The following ME3 variants were observed in gnomAD, a reference collection of about 807,000 sequenced individuals.
ME3 encodes the protein NADP-dependent malic enzyme, mitochondrial.
A neutral mutation model predicts 68.9 loss-of-function variants in ME3; 48 were observed. The ratio of observed to expected loss-of-function variants is 0.70; its 90% CI spans 0.55 to 0.89. ME3 has a LOEUF of 0.89. ME3 is among the 40% of genes least tolerant of loss of function. ME3 has a pLI of 0.00. For synonymous variants in ME3, 320 were observed against 318.8 expected (o/e 1.00, Z -0.04); for missense variants, 675 against 797.4 (o/e 0.85, Z 1.85).
intron 2 of ME3, among the ~76,000 whole-genome samples, chr11:86,651,928 C>T (rs187039793): frequency 8.4e-4 from 128 of 152,250 alleles, no homozygotes; most frequent in African/African-American, 2.6e-3. Context: ...AACCATGGCA[C>T]GAGAACCACA....
chr11:86,634,436 C>G (rs977002055), intron 2 of ME3, among the ~76,000 whole-genome samples: 3 of 152,200 alleles, frequency 2.0e-5, no homozygotes, highest in Non-Finnish European at 2.9e-5. Flanking sequence ...CTCTAGACTT[C>G]CCAGTTTTCT....
intron 7 of ME3, among the ~76,000 whole-genome samples, chr11:86,472,551 G>C (rs759268764): frequency 1.2e-4 from 19 of 152,184 alleles, no homozygotes; most frequent in African/African-American, 3.9e-4. Context: ...GTAGCCTGGA[G>C]GAAAGACAAA....
At chr11:86,667,156 C>G (rs1293382100) in intron 2 of ME3, among the ~76,000 whole-genome samples, 1 of 152,212 alleles carries the variant, frequency 6.6e-6, no homozygotes, top group Non-Finnish European at 1.5e-5. Flanking sequence ...TCTGAGGCCC[C>G]ACTACGTGAA....
At chr11:86,655,091 T>G (rs1011426060) in intron 2 of ME3, among the ~76,000 whole-genome samples, 3 of 152,086 alleles carry the variant, frequency 2.0e-5, no homozygotes, top group African/African-American at 7.2e-5. Context: ...CTCAATGAAA[T>G]AAAAGAGGAT....
chr11:86,475,283 C>T (rs1950997131), intron 7 of ME3, among the ~76,000 whole-genome samples: 2 of 152,108 alleles, frequency 1.3e-5, no homozygotes, highest in Admixed American at 1.3e-4. Flanking sequence ...TGTGTAGTAC[C>T]TCCCCTTTTG....
chr11:86,652,857 G>A (rs1409909638), intron 2 of ME3, among the ~76,000 whole-genome samples: 8 of 151,636 alleles, frequency 5.3e-5, no homozygotes, highest in Non-Finnish European at 1.0e-4. Flanking sequence ...CCCATCTCAC[G>A]TGCAGAGACA....
At chr11:86,628,276 G>A (rs927716633) in intron 2 of ME3, among the ~76,000 whole-genome samples, 1 of 152,158 alleles carries the variant, frequency 6.6e-6, no homozygotes, top group Non-Finnish European at 1.5e-5. Flanking sequence ...CTTGCCTGCC[G>A]CCATCTCCAG....
intron 2 of ME3, among the ~76,000 whole-genome samples, chr11:86,565,541 G>C (rs972028343): frequency 6.6e-6 from 1 of 152,150 alleles, no homozygotes; most frequent in African/African-American, 2.4e-5. Context: ...AATTTATTCA[G>C]CTATAAAAAG....
At chr11:86,528,165 A>G (rs148338124) in intron 4 of ME3, among the ~76,000 whole-genome samples, 6,861 of 152,312 alleles carry the variant, frequency 0.045, 165 homozygotes, top group South Asian at 0.099. Context: ...AGGAAGATCT[A>G]CCAAGCAAAT....
At chr11:86,494,722 A>G (rs1009674826) in intron 6 of ME3, among the ~76,000 whole-genome samples, 1 of 151,016 alleles carries the variant, frequency 6.6e-6, no homozygotes, top group Non-Finnish European at 1.5e-5. Context: ...TAAAGTGACC[A>G]ATTAGGTGAC....
At chr11:86,453,034 G>A (rs1005023690) in intron 8 of ME3, among the ~76,000 whole-genome samples, 1 of 151,898 alleles carries the variant, frequency 6.6e-6, no homozygotes, top group Non-Finnish European at 1.5e-5. Flanking sequence ...AATCTCACTC[G>A]GTCGCCCAGG....
At chr11:86,560,919 C>G (rs1447037662) in intron 2 of ME3, among the ~76,000 whole-genome samples, 3 of 151,346 alleles carry the variant, frequency 2.0e-5, no homozygotes, top group Non-Finnish European at 4.4e-5. Context: ...TTGCACATAC[C>G]CCTCTACTGG....
At chr11:86,672,264 G>A in intron 1 of ME3, 60 bp downstream of exon 1, 2 of 304,466 alleles carry the variant, frequency 6.6e-6, no homozygotes, top group Non-Finnish European at 1.2e-5. Flanking sequence ...GCGGCGAGGG[G>A]TCCCCGTACC....
intron 7 of ME3, among the ~76,000 whole-genome samples, chr11:86,475,048 A>G (rs1283665508): frequency 1.3e-5 from 2 of 152,254 alleles, no homozygotes; most frequent in Admixed American, 6.5e-5. Context: ...TTATAATCAC[A>G]GGGAAAATTG....
chr11:86,495,234 A>C (rs562360167), intron 6 of ME3, among the ~76,000 whole-genome samples: 1 of 152,308 alleles, frequency 6.6e-6, no homozygotes, highest in African/African-American at 2.4e-5. Context: ...GTAATGATAG[A>C]TGCTCCACTC....
chr11:86,558,772 G>A (rs1957055295), intron 3 of ME3, among the ~76,000 whole-genome samples: 1 of 152,146 alleles, frequency 6.6e-6, no homozygotes, highest in African/African-American at 2.4e-5. Flanking sequence ...TATGTGCCAG[G>A]CACTGTTCTC....
intron 2 of ME3, among the ~76,000 whole-genome samples, chr11:86,618,302 A>C (rs1270326824): frequency 1.2e-4 from 6 of 50,034 alleles, no homozygotes; most frequent in African/African-American, 6.0e-4. Flanking sequence ...TCTGTCTCAA[A>C]AAAAAAAAAA....
intron 6 of ME3, among the ~76,000 whole-genome samples, chr11:86,492,243 G>A (rs1460092445): frequency 6.6e-6 from 1 of 152,246 alleles, no homozygotes; most frequent in Non-Finnish European, 1.5e-5. Context: ...CATCTCCCCA[G>A]CTAATTGTAC....
intron 2 of ME3, among the ~76,000 whole-genome samples, chr11:86,593,417 T>G (rs1959166249): frequency 6.8e-6 from 1 of 146,730 alleles, no homozygotes; most frequent in Non-Finnish European, 1.5e-5. Context: ...ATTTCCTACT[T>G]GGGTTGCATG....
Sources: allele counts gnomAD v4.1 joint callset (sites outside exome capture counted in the v4.1 genomes callset), GRCh38; gene constraint gnomAD v4.1.1; transcripts MANE v1.5; gene names NCBI Gene and HGNC (gene_info 2026-07-23, HGNC 2026-07-21).